TIE1: variants seen among roughly 807,000 people sequenced by gnomAD.
TIE1 encodes tyrosine kinase with immunoglobulin like and EGF like domains 1, also known as tyrosine-protein kinase receptor Tie-1.
Under a neutral mutation model 130.5 loss-of-function variants are expected in TIE1, and 89 were observed. That is an observed-to-expected ratio of 0.68 (90% CI 0.57 to 0.81). The LOEUF (loss-of-function observed/expected upper bound fraction) is 0.81. Among genes scored for constraint, TIE1 ranks in the 40% least tolerant of loss-of-function variants. The probability of loss-of-function intolerance (pLI) is 0.00; values close to 1 mark genes in which losing one functional copy is unlikely to be tolerated. For missense variants in TIE1, 1,392 were observed against 1,559.8 expected, an observed-to-expected ratio of 0.89 and a Z score of 1.81; for synonymous variants, 568 against 629.4, an observed-to-expected ratio of 0.90 and a Z score of 1.46.
In TIE1 at chr1:43,312,028, G is replaced by A. The variant is rs1439272639; in HGVS notation, c.1527G>A (p.Leu509=). ...GTGAGAACGTGACGTTAATGAACCT[G>A]AGGCCAAAGACAGGATACAGTGTTC... ...DPSENVTLMN[L]RPKTGYSVRV... The change falls in exon 11 of 23, where the codon CTG becomes CTA. Residue 509 remains leucine (L), a synonymous_variant. Coordinates refer to ENST00000372476, the MANE Select transcript of TIE1 (RefSeq NM_005424.5). This position sits in a 1 kb window ranked among gnomAD's most constrained non-coding sequence, Gnocchi z 5.6. 6.2e-7 allele frequency: 1 copy of A among 1,604,516 alleles called. No individual in the cohort carries two copies. The highest frequency in any genetic ancestry group is 1.3e-5 in the African/African-American group (1 of 74,740).
rs1247634625 is a variant in TIE1, at chr1:43,318,532, C to G, written c.2922+460C>G. ...TCTTTTTTTTTTTTTGAGACTGAGT[C>G]TCACTTTTTTGCCCAGGCTGGAGTG... On this transcript the variant is annotated intron_variant, in intron 17 of 22. Coordinates refer to ENST00000372476, the MANE Select transcript of TIE1 (RefSeq NM_005424.5). The surrounding 1 kb of genome is among the most constrained non-coding windows in gnomAD (Gnocchi z 4.4). Among the ~76,000 whole-genome samples the G allele has an allele frequency of 6.6e-6, 1 of 150,434 alleles. No individual in the cohort carries two copies. Among genetic ancestry groups the G allele is most frequent in the South Asian group, 2.1e-4 (1 of 4,764 alleles).
At chr1:43,305,393 G>A (rs1646719145) in intron 3 of TIE1, 50 bp downstream of exon 3, 1 of 1,453,212 alleles carries the variant, frequency 6.9e-7, no homozygotes, top group African/African-American at 1.4e-5. Context: ...ATCGTTCTGA[G>A]GCCCCAACAC....
rs1303541151 is a variant in TIE1, at chr1:43,312,403, G to A, written c.1729G>A (p.Gly577Ser). The A allele has an allele frequency of 1.2e-6, 2 of 1,607,686 alleles. No homozygotes were observed. The highest frequency in any genetic ancestry group is 8.5e-7 in the Non-Finnish European group (1 of 1,177,280). The change falls in exon 12 of 23, where the codon GGC (glycine) becomes AGC (serine). Residue 577 changes from glycine to serine, a missense_variant. Coordinates refer to ENST00000372476, the MANE Select transcript of TIE1 (RefSeq NM_005424.5). This position sits in a 1 kb window ranked among gnomAD's most constrained non-coding sequence, Gnocchi z 5.6. ...SLPLVPGPLV[G>S]DGFLLRLWDG... ...GCCCTTGGTGCCCGGGCCACTGGTG[G>A]GCGACGGTTTCCTGCTGCGCCTGTG... is the stretch of plus-strand genomic sequence containing the variant.
Position 43,319,714 on chromosome 1 carries a change from T to G in TIE1, c.3107+185T>G. 2 of 630,024 alleles carry G rather than the reference T, an allele frequency of 3.2e-6. No homozygotes were observed. Among genetic ancestry groups the G allele is most frequent in the Non-Finnish European group, 5.6e-6 (2 of 353,994 alleles). The allele number at this position is 630,024 out of a possible 1,614,324, so 39.0% of individuals were successfully genotyped here. A position where few individuals can be genotyped will look rare whatever the true frequency, so the allele number is the denominator to read the frequency against. ...AGGTGGGGCTTGCTGGAAGGAGTCTTGGAAGGTGTTTCAGGAATAGGACTG... is the reference window on the plus strand; with the variant it reads ...AGGTGGGGCTTGCTGGAAGGAGTCTGGGAAGGTGTTTCAGGAATAGGACTG... On this transcript the variant is annotated intron_variant, in intron 19 of 22. Transcript: ENST00000372476. The surrounding 1 kb of genome is among the most constrained non-coding windows in gnomAD (Gnocchi z 4.7).
rs763969287 is a variant in TIE1 at position 43,305,228 on chromosome 1, C to T, written c.374-5C>T. ...CAGGCCGCTGACCCACCTTCCACCC[C>T]GCAGCCCACCTGCTTCCAGACAAGG... On this transcript the variant is annotated splice_polypyrimidine_tract_variant and splice_region_variant and intron_variant, in intron 2 of 22. Transcript: ENST00000372476. The T allele has an allele frequency of 3.7e-6, 6 of 1,613,886 alleles. No individual in the cohort carries two copies. The highest frequency in any genetic ancestry group is 1.3e-5 in the African/African-American group (1 of 75,030).
In TIE1 at chr1:43,319,351, G is replaced by T. The variant is rs1486637821; in HGVS notation, c.3036+3G>T. The T allele has an allele frequency of 6.2e-7, 1 of 1,613,426 alleles. No individual in the cohort carries two copies. The highest frequency in any genetic ancestry group is 1.3e-5 in the African/African-American group (1 of 74,992). On this transcript the variant is annotated splice_donor_region_variant and intron_variant, in intron 18 of 22. Coordinates refer to ENST00000372476, the MANE Select transcript of TIE1 (RefSeq NM_005424.5). The surrounding 1 kb of genome is among the most constrained non-coding windows in gnomAD (Gnocchi z 4.7). ...AGGTTTATGTGAAGAAGACGATGGT[G>T]AGTCTCATTCAACCCTCACCCTTAG...
At chr1:43,311,552 T>G in intron 9 of TIE1, 119 bp from the exon 10 acceptor site, 1 of 1,374,798 alleles carries the variant, frequency 7.3e-7, no homozygotes, top group South Asian at 1.4e-5. Flanking sequence ...CCCTGGCCAC[T>G]ATGGTCATCT....
At position 43,312,463 on chromosome 1, in the gene TIE1, G is replaced by A. The variant is rs764671592; in HGVS notation, c.1789G>A (p.Val597Ile). Reference sequence around the variant, plus strand: ...ACGGGGGCAGGAGCGGCGGGAGAACGTCTCATCCCCCCAGGCCCGCACTGC... The same window carrying A: ...ACGGGGGCAGGAGCGGCGGGAGAACATCTCATCCCCCCAGGCCCGCACTGC... ...GTRGQERREN[V>I]SSPQARTALL... is the part of the protein sequence containing the mutation. The change falls in exon 12 of 23, where the codon GTC (valine) becomes ATC (isoleucine). Residue 597 changes from valine (V) to isoleucine (I), a missense_variant. Transcript: ENST00000372476. This position sits in a 1 kb window ranked among gnomAD's most constrained non-coding sequence, Gnocchi z 5.6. 3.1e-6 allele frequency: 5 copies of A among 1,610,790 alleles called. No homozygotes were observed. The highest frequency in any genetic ancestry group is 1.1e-5 in the South Asian group (1 of 91,038).
Position 43,313,425 on chromosome 1 carries a change from G to T in TIE1, c.2218G>T (p.Gly740Trp), listed in dbSNP as rs765436299. 2 of 1,613,746 alleles carry T rather than the reference G, an allele frequency of 1.2e-6. No individual in the cohort carries two copies. Among genetic ancestry groups the T allele is most frequent in the African/African-American group, 1.3e-5 (1 of 75,002 alleles). ...AGTAGAAGAGTCCACCCTGGGCAAC[G>T]GTGAGAGGGCAGGGCCCACAGGACC... ...NTVEESTLGN[G>W]LQAEGPVQES... The change falls in exon 13 of 23, where the codon GGG becomes TGG. Residue 740 changes from glycine to tryptophan, a missense_variant and splice_region_variant. By Grantham distance (184) the Gly-to-Trp change is radical (BLOSUM62 -2). Transcript: ENST00000372476. The surrounding 1 kb of genome is among the most constrained non-coding windows in gnomAD (Gnocchi z 6.2).
chr1:43,321,954 C>T (rs1411544650), intron 22 of TIE1, among the ~76,000 whole-genome samples: 1 of 152,156 alleles, frequency 6.6e-6, no homozygotes, highest in Non-Finnish European at 1.5e-5. Context: ...ACAGCAAATC[C>T]CTACCTTAAG....
chr1:43,307,040 G>C lies in TIE1; in HGVS notation c.640+45G>C, dbSNP rs192263041. The C allele has an allele frequency of 4.8e-5, 78 of 1,613,212 alleles. No homozygotes were observed. The East Asian group carries it at 1.7e-3, about 35-fold the overall frequency. On this transcript the variant is annotated intron_variant, in intron 4 of 22. Coordinates refer to ENST00000372476, the MANE Select transcript of TIE1 (RefSeq NM_005424.5). The surrounding 1 kb of genome is among the most constrained non-coding windows in gnomAD (Gnocchi z 5.4). ...GGTTGTGGGTAGGGTGGGAGGCTGG[G>C]AGCCCTATGGGTACTTCCTGTGGGT...
intron 1 of TIE1, among the ~76,000 whole-genome samples, chr1:43,303,197 G>A (rs1025773691): frequency 6.6e-5 from 10 of 152,130 alleles, no homozygotes; most frequent in Non-Finnish European, 1.0e-4. Flanking sequence ...CTCAAGTGGC[G>A]GGTGCTGTCC....
chr1:43,313,545 G>A lies in TIE1; in HGVS notation c.2218+120G>A. 1 of 1,301,802 alleles carries A rather than the reference G, an allele frequency of 7.7e-7. No homozygotes were observed. The highest frequency in any genetic ancestry group is 1.4e-5 in the South Asian group (1 of 70,586). The allele number at this position is 1,301,802 out of a possible 1,614,324, so 80.6% of individuals were successfully genotyped here. A position where few individuals can be genotyped will look rare whatever the true frequency, so the allele number is the denominator to read the frequency against. ...CATCCCAGGCCCCTCCTGACAAAGAGTCAGCCCCAGTCCTGGGGACTCAGC... is the reference window on the plus strand; with the variant it reads ...CATCCCAGGCCCCTCCTGACAAAGAATCAGCCCCAGTCCTGGGGACTCAGC... On this transcript the variant is annotated intron_variant, in intron 13 of 22. Coordinates refer to ENST00000372476, the MANE Select transcript of TIE1 (RefSeq NM_005424.5). The surrounding 1 kb of genome is among the most constrained non-coding windows in gnomAD (Gnocchi z 6.2).
chr1:43,322,577 A>C lies in TIE1; in HGVS notation c.3346-74A>C, dbSNP rs1646930220. On this transcript the variant is annotated intron_variant, in intron 22 of 22. Transcript: ENST00000372476. The surrounding 1 kb of genome is among the most constrained non-coding windows in gnomAD (Gnocchi z 4.0). ...CAGTGTCAGTTCAAATGCCCCCACC[A>C]CATGGAAGTCCAGGAGCTTGAGGCC... 8.7e-7 allele frequency: 1 copy of C among 1,149,854 alleles called. No homozygotes were observed. Among genetic ancestry groups the C allele is most frequent in the South Asian group, 1.3e-5 (1 of 78,830 alleles). The allele number at this position is 1,149,854 out of a possible 1,614,324, so 71.2% of individuals were successfully genotyped here.
rs533319694 is a variant in TIE1 at position 43,313,089 on chromosome 1, T to C, written c.1928-46T>C. Reference sequence around the variant, plus strand: ...AGATGTGTCCAGCCCCACAGCTACATAGCCCGGTCCTATCTGAGCCTTGCC... The same window carrying C: ...AGATGTGTCCAGCCCCACAGCTACACAGCCCGGTCCTATCTGAGCCTTGCC... On this transcript the variant is annotated intron_variant, in intron 12 of 22. Coordinates refer to ENST00000372476, the MANE Select transcript of TIE1 (RefSeq NM_005424.5). The surrounding 1 kb of genome is among the most constrained non-coding windows in gnomAD (Gnocchi z 6.2). 1.1e-5 allele frequency: 17 copies of C among 1,560,542 alleles called. No individual in the cohort carries two copies. The highest frequency in any genetic ancestry group is 8.1e-5 in the African/African-American group (6 of 73,728).
Position 43,309,565 on chromosome 1 carries a change from C to T in TIE1, c.1333+33C>T, listed in dbSNP as rs369584079. ...ATGTCCTAGGTCCACAGGGAATGGA[C>T]GGTGAGCAGAGTAGGCTCTAGATGA... On this transcript the variant is annotated intron_variant, in intron 9 of 22. Transcript: ENST00000372476. This position sits in a 1 kb window ranked among gnomAD's most constrained non-coding sequence, Gnocchi z 6.3. 1.0e-5 allele frequency: 16 copies of T among 1,546,034 alleles called. No individual in the cohort carries two copies. The highest frequency in any genetic ancestry group is 5.5e-5 in the African/African-American group (4 of 72,706).
In TIE1 at chr1:43,319,896, G is replaced by A; in HGVS notation, c.3107+367G>A. On this transcript the variant is annotated intron_variant, in intron 19 of 22. Transcript: ENST00000372476. The surrounding 1 kb of genome is among the most constrained non-coding windows in gnomAD (Gnocchi z 4.7). The stretch of plus-strand genomic sequence containing the variant: ...AAGGGCAAGGTCATGCCCACCTGAG[G>A]ATCTTACCAGAGCATGACCCCCAAG... 1 of 303,166 alleles carries A rather than the reference G, an allele frequency of 3.3e-6. No homozygotes were observed. Among genetic ancestry groups the A allele is most frequent in the East Asian group, 8.2e-5 (1 of 12,136 alleles). The allele number at this position is 303,166 out of a possible 1,614,324, so 18.8% of individuals were successfully genotyped here. A position where few individuals can be genotyped will look rare whatever the true frequency, so the allele number is the denominator to read the frequency against.
rs754900650 is a variant in TIE1 at position 43,305,018 on chromosome 1, C to A, written c.226C>A (p.Pro76Thr). Residue 76 changes from proline to threonine, a missense_variant, in exon 2 of 23, where the codon CCA becomes ACA. This residue lies in a region of TIE1 where 415 missense variants were observed against 424.8 expected (regional missense o/e 0.98). Transcript: ENST00000372476. ...DDRIVRTPPGPPLRLARNGSH... is the reference protein window; with the variant it reads ...DDRIVRTPPGTPLRLARNGSH... ...CCGTATCGTGCGCACCCCGCCCGGG[C>A]CACCCCTGCGCCTGGCGCGCAACGG... 5.1e-6 allele frequency: 8 copies of A among 1,563,174 alleles called. No homozygotes were observed. Among genetic ancestry groups the A allele is most frequent in the South Asian group, 1.2e-5 (1 of 84,010 alleles).
intron 1 of TIE1, among the ~76,000 whole-genome samples, chr1:43,304,625 A>G (rs1316174151): frequency 1.3e-5 from 2 of 151,978 alleles, no homozygotes; most frequent in Non-Finnish European, 2.9e-5. Flanking sequence ...GACTTGAGGG[A>G]AAGAGGCCAG....
Sources: gnomAD v4.1 joint callset for allele counts (sites outside exome capture counted in the v4.1 genomes callset) on GRCh38, gnomAD v4.1.1 for gene constraint, gnomAD v4.1.1 regional missense constraint, Gnocchi (gnomAD v3.1) non-coding constraint, MANE v1.5 for transcripts, NCBI Gene and HGNC (gene_info 2026-07-23, HGNC 2026-07-21) for gene names.